SMYD3: variants seen among roughly 807,000 people sequenced by gnomAD.
SMYD3 encodes the protein histone-lysine N-methyltransferase SMYD3.
Under a neutral mutation model 57.7 loss-of-function variants are expected in SMYD3, and 36 were observed. The observed-to-expected ratio is 0.62, with a 90% confidence interval of 0.48 to 0.82. The LOEUF (loss-of-function observed/expected upper bound fraction) is 0.82, where lower values mean the gene tolerates loss of function less well. Ranked by LOEUF, SMYD3 falls within the 40% of genes least tolerant of loss-of-function variation. The probability of loss-of-function intolerance (pLI) is 0.00; values close to 1 mark genes in which losing one functional copy is unlikely to be tolerated. For synonymous variants in SMYD3, 211 were observed against 195.0 expected, an observed-to-expected ratio of 1.08 and a Z score of -0.68; for missense variants, 515 against 538.8, an observed-to-expected ratio of 0.96 and a Z score of 0.44.
chr1:246,419,351 G>A (rs531512461), intron 1 of SMYD3, among the ~76,000 whole-genome samples: 3 of 152,150 alleles, frequency 2.0e-5, no homozygotes, highest in South Asian at 2.1e-4. Context: ...ACATGGACAC[G>A]TGTGACACCC....
At chr1:246,211,913 TA>T (rs76595728) in intron 5 of SMYD3, among the ~76,000 whole-genome samples, 38,046 of 143,854 alleles carry the variant, frequency 0.26, 5,019 homozygotes, top group Admixed American at 0.36. Flanking sequence ...AAGATTGTGG[TA>T]AAAAAAAAAA....
At chr1:246,218,595 T>G (rs900640565) in intron 5 of SMYD3, among the ~76,000 whole-genome samples, 1 of 148,686 alleles carries the variant, frequency 6.7e-6, no homozygotes, top group African/African-American at 2.5e-5. Context: ...CACTCCAGCC[T>G]GGGTGACAGA....
At chr1:245,998,763 G>A (rs142261046) in intron 5 of SMYD3, among the ~76,000 whole-genome samples, 11 of 152,270 alleles carry the variant, frequency 7.2e-5, no homozygotes, top group Middle Eastern at 3.4e-3. Context: ...CCAAGGGTCC[G>A]TCATCAGATG....
intron 5 of SMYD3, among the ~76,000 whole-genome samples, chr1:246,156,584 T>G (rs113428444): frequency 6.6e-4 from 101 of 152,352 alleles, no homozygotes; most frequent in African/African-American, 2.4e-3. Context: ...TGAGGCACTA[T>G]GCCAACCATT....
At chr1:246,204,915 A>G (rs1463087213) in intron 5 of SMYD3, among the ~76,000 whole-genome samples, 1 of 152,228 alleles carries the variant, frequency 6.6e-6, no homozygotes, top group Non-Finnish European at 1.5e-5. Flanking sequence ...CTATTCTAAC[A>G]TAACTTCATT....
At chr1:245,796,264 CA>C (rs2148210301) in intron 10 of SMYD3, among the ~76,000 whole-genome samples, 2 of 151,828 alleles carry the variant, frequency 1.3e-5, no homozygotes, top group South Asian at 4.2e-4. Context: ...AATATTTTAT[CA>C]AAAATAAAAT....
At chr1:246,305,978 T>A (rs2064970527) in intron 5 of SMYD3, 1 of 152,208 alleles carries the variant, frequency 6.6e-6, no homozygotes, top group African/African-American at 2.4e-5. Flanking sequence ...CAACTTACAG[T>A]GGATTTGCTG....
At chr1:245,853,927 T>C (rs769927983) in intron 10 of SMYD3, among the ~76,000 whole-genome samples, 2 of 152,198 alleles carry the variant, frequency 1.3e-5, no homozygotes, top group Admixed American at 1.3e-4. Context: ...CTCACTCTTA[T>C]CAGCTTTCTT....
chr1:246,256,594 T>A (rs922938087), intron 5 of SMYD3, among the ~76,000 whole-genome samples: 3 of 152,248 alleles, frequency 2.0e-5, no homozygotes, highest in Non-Finnish European at 4.4e-5. Context: ...TAATGGTCTA[T>A]CAATCTTGTG....
At chr1:246,129,783 T>C (rs535808946) in intron 5 of SMYD3, among the ~76,000 whole-genome samples, 1 of 152,278 alleles carries the variant, frequency 6.6e-6, no homozygotes, top group African/African-American at 2.4e-5. Flanking sequence ...TCTTTCTCTT[T>C]TTTTTTAAAG....
chr1:246,482,874 C>A (rs2068129575), intron 1 of SMYD3, among the ~76,000 whole-genome samples: 2 of 152,154 alleles, frequency 1.3e-5, no homozygotes, highest in South Asian at 4.1e-4. Context: ...AAGAGGCAAA[C>A]ACTGCTCCAC....
chr1:246,393,664 C>A (rs1057261579), intron 1 of SMYD3, among the ~76,000 whole-genome samples: 3 of 127,186 alleles, frequency 2.4e-5, no homozygotes, highest in Non-Finnish European at 4.9e-5. Flanking sequence ...CATAGCGTGA[C>A]CCCCATCTCT....
At chr1:246,049,652 C>T (rs2060034541) in intron 5 of SMYD3, among the ~76,000 whole-genome samples, 1 of 152,126 alleles carries the variant, frequency 6.6e-6, no homozygotes, top group Admixed American at 6.5e-5. Flanking sequence ...ATTTAACAGA[C>T]GTCAACTGCG....
At chr1:246,446,905 T>C (rs1338565955) in intron 1 of SMYD3, among the ~76,000 whole-genome samples, 2 of 151,982 alleles carry the variant, frequency 1.3e-5, no homozygotes, top group Non-Finnish European at 1.5e-5. Flanking sequence ...AGCACATGCC[T>C]GTAATCCCAG....
intron 5 of SMYD3, among the ~76,000 whole-genome samples, chr1:245,964,885 A>G (rs2148003146): frequency 6.6e-6 from 1 of 152,276 alleles, no homozygotes; most frequent in South Asian, 2.1e-4. Context: ...GAGAATAAAG[A>G]GGGAAAGGAA....
intron 7 of SMYD3, among the ~76,000 whole-genome samples, chr1:245,925,839 G>A (rs927480706): frequency 3.9e-5 from 6 of 152,196 alleles, no homozygotes; most frequent in South Asian, 2.1e-4. Flanking sequence ...CACTATAAGC[G>A]AGAACTCAAA....
At chr1:246,208,967 T>C (rs1004386428) in intron 5 of SMYD3, among the ~76,000 whole-genome samples, 1 of 152,124 alleles carries the variant, frequency 6.6e-6, no homozygotes, top group South Asian at 2.1e-4. Flanking sequence ...ATTCAGAAAA[T>C]ATATTATTTC....
At chr1:245,853,408 G>A (rs563629198) in intron 10 of SMYD3, among the ~76,000 whole-genome samples, 5 of 152,330 alleles carry the variant, frequency 3.3e-5, no homozygotes, top group South Asian at 2.1e-4. Context: ...CAAAGCAAGC[G>A]CTGGGTATGT....
At chr1:245,969,082 G>A (rs1302569548) in intron 5 of SMYD3, among the ~76,000 whole-genome samples, 1 of 152,068 alleles carries the variant, frequency 6.6e-6, no homozygotes, top group African/African-American at 2.4e-5. Flanking sequence ...TATTTAAATG[G>A]GTCTCTATTT....
Sources: gnomAD v4.1 joint callset for allele counts (sites outside exome capture counted in the v4.1 genomes callset) on GRCh38, gnomAD v4.1.1 for gene constraint, MANE v1.5 for transcripts, NCBI Gene and HGNC (gene_info 2026-07-23, HGNC 2026-07-21) for gene names.